Variants in PAXIP1 observed in about 807,000 individuals in gnomAD.
The protein encoded by PAXIP1 is PAX interacting protein 1.
Under a neutral mutation model 140.6 loss-of-function variants are expected in PAXIP1, and 19 were observed. The observed-to-expected ratio is 0.14, with a 90% CI of 0.09 to 0.20. The LOEUF is 0.20. Ranked by LOEUF, PAXIP1 falls within the 10% of genes least tolerant of loss-of-function variation. PAXIP1 has a pLI of 1.00. For synonymous variants in PAXIP1, 442 were observed against 444.6 expected, an observed-to-expected ratio of 0.99 and a Z score of 0.07; for missense variants, 920 against 1,208.6, an observed-to-expected ratio of 0.76 and a Z score of 3.54.
Position 154,968,510 on chromosome 7 carries a change from A to T in PAXIP1, c.1691T>A (p.Leu564Gln). Reference sequence around the variant, plus strand: ...CTGCTGAGGTGGAACCTGATGCTGCAGCGCCTGTGACGTCTGACTCAAGTG... The same window carrying T: ...CTGCTGAGGTGGAACCTGATGCTGCTGCGCCTGTGACGTCTGACTCAAGTG... ...APHLSQTSQA[L>Q]QHQVPPQQPP... The change falls in exon 7 of 21, where the codon CTG becomes CAG. Residue 564 changes from leucine to glutamine, a missense_variant. Leu to Gln is a moderately radical substitution (Grantham distance 113, BLOSUM62 -2). Around this residue, in one of 5 missense-constraint regions of PAXIP1, gnomAD observed 133 missense variants for 88.4 expected, o/e 1.50. Transcript: ENST00000404141. 1 of 866,238 alleles carries T rather than the reference A, an allele frequency of 1.2e-6. No homozygotes were observed. Among genetic ancestry groups the T allele is most frequent in the African/African-American group, 1.7e-5 (1 of 59,804 alleles). 53.7% of individuals were successfully genotyped at this position (866,238 alleles called of 1,614,324 possible).
At chr7:154,944,207 G>A in intron 20 of PAXIP1, 43 bp from the exon 21 acceptor site, 1 of 1,565,808 alleles carries the variant, frequency 6.4e-7, no homozygotes, top group Admixed American at 1.8e-5. Context: ...CAAGGCAAAA[G>A]AAAAACATGA....
chr7:155,001,514 TGAGACG>T (rs1810887965), intron 1 of PAXIP1: 1 of 151,388 alleles, frequency 6.6e-6, no homozygotes. Context: ...TTTTTTTTTT[TGAGACG>T]GAGTCTAGCT....
Position 154,948,018 on chromosome 7 carries a change from A to G in PAXIP1, c.2822-15T>C, listed in dbSNP as rs780942657. On this transcript the variant is annotated splice_polypyrimidine_tract_variant and intron_variant, in intron 16 of 20. Coordinates refer to ENST00000404141, the MANE Select transcript of PAXIP1 (RefSeq NM_007349.4). ...GTTCTGCTCATCTGGAAAACAGAAC[A>G]GCACATACTCTGAAAAGTGTGGACA... 6.4e-7 allele frequency: 1 copy of G among 1,559,622 alleles called. No homozygotes were observed. The highest frequency in any genetic ancestry group is 8.8e-7 in the Non-Finnish European group (1 of 1,130,412).
At chr7:154,955,387 T>C in intron 15 of PAXIP1, 142 bp downstream of exon 15, 1 of 592,858 alleles carries the variant, frequency 1.7e-6, no homozygotes, top group Non-Finnish European at 3.0e-6. Flanking sequence ...TAAATACTAC[T>C]AAAAATACTT....
At chr7:154,999,917 G>A (rs1481781207) in intron 1 of PAXIP1, among the ~76,000 whole-genome samples, 3 of 152,180 alleles carry the variant, frequency 2.0e-5, no homozygotes, top group Non-Finnish European at 4.4e-5. Context: ...GACAGGTAGG[G>A]AAGTGCAGTA....
intron 2 of PAXIP1, among the ~76,000 whole-genome samples, chr7:154,994,688 A>G (rs1169442715): frequency 6.6e-6 from 1 of 152,196 alleles, no homozygotes; most frequent in Non-Finnish European, 1.5e-5. Flanking sequence ...ATCATTTTTT[A>G]GATGACATCT....
intron 6 of PAXIP1, among the ~76,000 whole-genome samples, chr7:154,972,278 G>A (rs567574049): frequency 2.0e-5 from 3 of 152,200 alleles, no homozygotes; most frequent in Non-Finnish European, 4.4e-5. Flanking sequence ...CCTGAAGTCA[G>A]GAGTTCGAGA....
intron 4 of PAXIP1, among the ~76,000 whole-genome samples, chr7:154,989,803 C>T (rs1049254742): frequency 1.3e-5 from 2 of 152,160 alleles, no homozygotes; most frequent in African/African-American, 4.8e-5. Flanking sequence ...CTATGGCCTG[C>T]TTTTGCCACT....
chr7:154,999,466 A>T (rs1421941976), intron 1 of PAXIP1, among the ~76,000 whole-genome samples: 1 of 152,214 alleles, frequency 6.6e-6, no homozygotes, highest in African/African-American at 2.4e-5. Context: ...TTGGTTGGCT[A>T]GATGACTAAA....
intron 1 of PAXIP1, chr7:155,000,407 C>A (rs188958674): frequency 6.6e-6 from 1 of 152,326 alleles, no homozygotes; most frequent in East Asian, 1.9e-4. Flanking sequence ...TCTGATCCTA[C>A]TCCCTTCTTC....
At chr7:154,996,008 G>T (rs1810585943) in intron 2 of PAXIP1, among the ~76,000 whole-genome samples, 1 of 152,166 alleles carries the variant, frequency 6.6e-6, no homozygotes, top group African/African-American at 2.4e-5. Flanking sequence ...GTAAATGATA[G>T]ATAAACTGTC....
Position 154,943,836 on chromosome 7 carries a change from C to T in PAXIP1, c.*313G>A, listed in dbSNP as rs139354454. On this transcript the variant is annotated 3_prime_UTR_variant, in exon 21 of 21. Coordinates refer to ENST00000404141, the MANE Select transcript of PAXIP1 (RefSeq NM_007349.4). The stretch of plus-strand genomic sequence containing the variant: ...GAGATAGCAAGGTCTTTATTTACAC[C>T]ATTTTATTTCTAGTTGAAGTCCCGT... The T allele has an allele frequency of 9.7e-4, 306 of 316,106 alleles. 1 individual carries two copies. Among genetic ancestry groups the T allele is most frequent in the East Asian group, 3.5e-3 (54 of 15,390 alleles). 19.6% of individuals were successfully genotyped at this position (316,106 alleles called of 1,614,324 possible).
intron 8 of PAXIP1, chr7:154,964,312 T>C (rs1396639427): frequency 6.5e-6 from 1 of 153,214 alleles, no homozygotes; most frequent in African/African-American, 2.4e-5. Context: ...AATTGCTCTG[T>C]GTCCGGGCTG....
At chr7:154,980,311 T>C (rs1394821577) in intron 5 of PAXIP1, among the ~76,000 whole-genome samples, 2 of 152,204 alleles carry the variant, frequency 1.3e-5, no homozygotes, top group African/African-American at 4.8e-5. Flanking sequence ...TTACCCTTTA[T>C]GTCATCATTA....
rs536305802 is a variant in PAXIP1, at chr7:154,990,381, A to G, written c.324+625T>C. On this transcript the variant is annotated intron_variant, in intron 4 of 20. Transcript: ENST00000404141. ...TCTAAACATAAAAGAAATGCAGGTG[A>G]AAACGAAATGAGTATTTTAAGGCTT... Among the ~76,000 whole-genome samples the G allele has an allele frequency of 3.9e-5, 6 of 152,306 alleles. No individual in the cohort carries two copies. In the South Asian group the frequency reaches 1.0e-3, roughly 26 times the overall value.
chr7:154,958,875 G>A (rs1808641152), intron 13 of PAXIP1, among the ~76,000 whole-genome samples: 1 of 152,192 alleles, frequency 6.6e-6, no homozygotes, highest in Non-Finnish European at 1.5e-5. Flanking sequence ...TAAAAGAACT[G>A]TGAGAATATT....
In PAXIP1 at chr7:154,963,416, C is replaced by A. The variant is rs1195303944; in HGVS notation, c.1989+255G>T. Reference sequence around the variant, plus strand: ...GTCTCAAACGCCTGACCTCGTGACCCGTCCACCTCGGCCTCCTGTCCGCCC... The same window carrying A: ...GTCTCAAACGCCTGACCTCGTGACCAGTCCACCTCGGCCTCCTGTCCGCCC... On this transcript the variant is annotated intron_variant, in intron 9 of 20. Transcript: ENST00000404141. The surrounding 1 kb of genome is among the most constrained non-coding windows in gnomAD (Gnocchi z 4.1). 6.6e-6 allele frequency among the ~76,000 whole-genome samples: 1 copy of A among 151,844 alleles called. No individual in the cohort carries two copies. Among genetic ancestry groups the A allele is most frequent in the Non-Finnish European group, 1.5e-5 (1 of 67,964 alleles).
In PAXIP1 at chr7:154,968,882, T is replaced by A. The variant is rs957006722; in HGVS notation, c.1319A>T (p.Tyr440Phe). 2 of 1,002,604 alleles carry A rather than the reference T, an allele frequency of 2.0e-6. No homozygotes were observed. Among genetic ancestry groups the A allele is most frequent in the Middle Eastern group, 2.0e-4 (1 of 4,900 alleles). The allele number at this position is 1,002,604 out of a possible 1,614,324, so 62.1% of individuals were successfully genotyped here. ...AAATGGATGCGGCGGCTGCTGGGGGTAAGGTTGCTGAGAGATCTGCTGCTG... is the reference window on the plus strand; with the variant it reads ...AAATGGATGCGGCGGCTGCTGGGGGAAAGGTTGCTGAGAGATCTGCTGCTG... ...QQQQQISQQP[Y>F]PQQPPHPFSQ... The change falls in exon 7 of 21, where the codon TAC becomes TTC. Residue 440 changes from tyrosine to phenylalanine, a missense_variant. By Grantham distance (22) the Tyr-to-Phe change is conservative (BLOSUM62 3). This residue lies in a region of PAXIP1 where 133 missense variants were observed against 88.4 expected (regional missense o/e 1.50). Transcript: ENST00000404141.
rs985217051 is a variant in PAXIP1, at chr7:154,956,279, A to G, written c.2550-648T>C. ...ATTTATTTTAAAATGTATTTGTGGT[A>G]ATTTGATGACAGCCTCAAAAAAATC... On this transcript the variant is annotated intron_variant, in intron 14 of 20. Transcript: ENST00000404141. The surrounding 1 kb of genome is among the most constrained non-coding windows in gnomAD (Gnocchi z 4.2). The G allele has an allele frequency of 1.3e-5, 2 of 152,206 alleles. No individual in the cohort carries two copies. Among genetic ancestry groups the G allele is most frequent in the Non-Finnish European group, 2.9e-5 (2 of 68,036 alleles). The allele number at this position is 152,206 out of a possible 1,614,324, so 9.4% of individuals were successfully genotyped here.
Sources: allele counts gnomAD v4.1 joint callset (sites outside exome capture counted in the v4.1 genomes callset), GRCh38; gene constraint gnomAD v4.1.1; regional missense constraint gnomAD v4.1.1; non-coding constraint Gnocchi (gnomAD v3.1); transcripts MANE v1.5; gene names NCBI Gene and HGNC (gene_info 2026-07-23, HGNC 2026-07-21).